Variants in SPAG16 observed in about 807,000 individuals in gnomAD.
The protein encoded by SPAG16 is sperm-associated antigen 16 protein.
A neutral mutation model predicts 80.4 loss-of-function variants in SPAG16; 86 were observed. The ratio of observed to expected loss-of-function variants is 1.07; its 90% CI spans 0.90 to 1.28. The LOEUF (loss-of-function observed/expected upper bound fraction) is 1.28. SPAG16 is among the 50% of genes most tolerant of loss of function. The probability of loss-of-function intolerance (pLI) is 0.00; values close to 1 mark genes in which losing one functional copy is unlikely to be tolerated. For synonymous variants in SPAG16, 294 were observed against 265.9 expected (o/e 1.11, Z -1.03); for missense variants, 870 against 765.3 (o/e 1.14, Z -1.61).
intron 10 of SPAG16, among the ~76,000 whole-genome samples, chr2:213,675,565 A>C (rs2125237638): frequency 6.6e-6 from 1 of 152,276 alleles, no homozygotes; most frequent in Middle Eastern, 3.4e-3. Context: ...TTTTTGTATA[A>C]GGTGTAAGGA....
At chr2:214,293,135 C>A (rs1693916432) in intron 15 of SPAG16, among the ~76,000 whole-genome samples, 1 of 152,138 alleles carries the variant, frequency 6.6e-6, no homozygotes. Flanking sequence ...TTCTTGGGCC[C>A]CCAGATGGCT....
chr2:214,142,831 CAGTA>C (rs2125543158), intron 14 of SPAG16, among the ~76,000 whole-genome samples: 2 of 152,248 alleles, frequency 1.3e-5, no homozygotes, highest in East Asian at 3.9e-4. Flanking sequence ...ATGGTTTTAG[CAGTA>C]AGTTGATGTT....
chr2:214,059,186 C>CTATATATATA lies in SPAG16; in HGVS notation c.1527+45129_1527+45138dup, dbSNP rs36006046. The stretch of plus-strand genomic sequence containing the variant: ...AGCAAGACTCTGTCTCTCTCTCTGT[C>CTATATATATA]TATATATATATATATATATATATAT... On this transcript the variant is annotated intron_variant, in intron 13 of 15. Transcript: ENST00000331683. 4.1e-3 allele frequency among the ~76,000 whole-genome samples: 471 copies of CTATATATATA among 114,298 alleles called. 4 individuals are homozygous for CTATATATATA. The highest frequency in any genetic ancestry group is 0.02 in the Middle Eastern group (4 of 204). The allele number at this position is 114,298 out of a possible 152,430, so 75.0% of individuals were successfully genotyped here.
rs1165853142 is a variant in SPAG16 at position 213,859,178 on chromosome 2, C to CAAAA, written c.1071-3272_1071-3269dup. The stretch of plus-strand genomic sequence containing the variant: ...TGGGCAACAGAGCGACACTCCGTCT[C>CAAAA]AAAAAAAAAAAAAAAAAAAAAAAAA... On this transcript the variant is annotated intron_variant, in intron 10 of 15. Transcript: ENST00000331683. Among the ~76,000 whole-genome samples the CAAAA allele has an allele frequency of 4.6e-3, 43 of 9,378 alleles. 18 individuals are homozygous for CAAAA. The highest frequency in any genetic ancestry group is 0.012 in the South Asian group (1 of 86). 6.2% of individuals were successfully genotyped at this position (9,378 alleles called of 152,430 possible). A position where few individuals can be genotyped will look rare whatever the true frequency, so the allele number is the denominator to read the frequency against.
chr2:214,100,906 G>T (rs956361160), intron 13 of SPAG16, among the ~76,000 whole-genome samples: 1 of 151,258 alleles, frequency 6.6e-6, no homozygotes, highest in Non-Finnish European at 1.5e-5. Context: ...AGCCTTGGAG[G>T]AAAAAAAATG....
chr2:214,149,274 C>A lies in SPAG16; in HGVS notation c.1720+8C>A. ...TGAATTTTGATTCATCAGGTAGGATCATTTTTGTCTAATGTTTCTGACTAA... is the reference window on the plus strand; with the variant it reads ...TGAATTTTGATTCATCAGGTAGGATAATTTTTGTCTAATGTTTCTGACTAA... On this transcript the variant is annotated splice_region_variant and intron_variant, in intron 15 of 15. Coordinates refer to ENST00000331683, the MANE Select transcript of SPAG16 (RefSeq NM_024532.5). The A allele has an allele frequency of 4.5e-6, 7 of 1,549,552 alleles. No homozygotes were observed. Among genetic ancestry groups the A allele is most frequent in the Non-Finnish European group, 6.1e-6 (7 of 1,148,336 alleles).
At chr2:214,216,229 A>G (rs745595404) in intron 15 of SPAG16, among the ~76,000 whole-genome samples, 61 of 152,202 alleles carry the variant, frequency 4.0e-4, no homozygotes, top group Non-Finnish European at 5.9e-5. Flanking sequence ...CATAAATAGT[A>G]TCTTATAATG....
At chr2:213,595,896 A>G (rs1292168437) in intron 10 of SPAG16, among the ~76,000 whole-genome samples, 3 of 152,190 alleles carry the variant, frequency 2.0e-5, no homozygotes, top group East Asian at 3.9e-4. Context: ...ATCCAACAGT[A>G]TATTAAAATG....
chr2:214,146,796 C>T (rs578062967), intron 14 of SPAG16, among the ~76,000 whole-genome samples: 6 of 151,990 alleles, frequency 3.9e-5, no homozygotes, highest in Admixed American at 2.6e-4. Flanking sequence ...GTCAGGAGAT[C>T]AAGACCATCC....
At chr2:213,332,562 AC>A (rs1261092428) in intron 5 of SPAG16, among the ~76,000 whole-genome samples, 1 of 152,108 alleles carries the variant, frequency 6.6e-6, no homozygotes, top group Non-Finnish European at 1.5e-5. Context: ...TGATACCCAA[AC>A]CAAAGACACA....
At chr2:213,381,648 G>C (rs935992810) in intron 9 of SPAG16, among the ~76,000 whole-genome samples, 2 of 152,170 alleles carry the variant, frequency 1.3e-5, no homozygotes, top group Non-Finnish European at 2.9e-5. Flanking sequence ...TGATCCACCC[G>C]ATTATTGAAA....
chr2:214,200,409 A>T lies in SPAG16; in HGVS notation c.1720+51143A>T, dbSNP rs375384106. On this transcript the variant is annotated intron_variant, in intron 15 of 15. Coordinates refer to ENST00000331683, the MANE Select transcript of SPAG16 (RefSeq NM_024532.5). ...ACATTTATTGATTTGCATATGTTAA[A>T]CCACCCCTGCATCCCTGATATGAGA... Among the ~76,000 whole-genome samples, 13 of 152,220 alleles carry T rather than the reference A, an allele frequency of 8.5e-5. No individual in the cohort carries two copies. The East Asian group carries it at 1.7e-3, about 20-fold the overall frequency.
chr2:213,374,793 G>T (rs2066804711), intron 8 of SPAG16, among the ~76,000 whole-genome samples: 1 of 152,040 alleles, frequency 6.6e-6, no homozygotes, highest in Admixed American at 6.6e-5. Context: ...GGCTCACCAT[G>T]TATTTAATTA....
chr2:214,280,409 A>C (rs559841627), intron 15 of SPAG16, among the ~76,000 whole-genome samples: 41 of 152,320 alleles, frequency 2.7e-4, no homozygotes, highest in Non-Finnish European at 5.0e-4. Context: ...ATATAGAATC[A>C]CTATAACAAC....
At chr2:213,923,069 T>G (rs1027475729) in intron 11 of SPAG16, among the ~76,000 whole-genome samples, 73 of 152,276 alleles carry the variant, frequency 4.8e-4, no homozygotes, top group African/African-American at 1.7e-3. Context: ...TTGCCTACCC[T>G]GACCTCCTGG....
Position 213,616,259 on chromosome 2 carries a change from A to G in SPAG16, c.1070+126169A>G, listed in dbSNP as rs139242451. Among the ~76,000 whole-genome samples the G allele has an allele frequency of 4.3e-3, 653 of 152,360 alleles. 4 individuals are homozygous for G. The highest frequency in any genetic ancestry group is 0.014 in the African/African-American group (602 of 41,570). ...TCTGATGTTCTATGATTGAAAAGAA[A>G]CATGCTTCCACAAATTGTTCTAATT... is the stretch of plus-strand genomic sequence containing the variant. On this transcript the variant is annotated intron_variant, in intron 10 of 15. Transcript: ENST00000331683.
intron 10 of SPAG16, among the ~76,000 whole-genome samples, chr2:213,767,496 C>A (rs548385972): frequency 6.6e-6 from 1 of 152,038 alleles, no homozygotes; most frequent in South Asian, 2.1e-4. Flanking sequence ...AGTGAGTCCC[C>A]ATCCTTACAA....
chr2:213,934,449 A>G (rs1047665007), intron 12 of SPAG16, among the ~76,000 whole-genome samples: 2 of 152,204 alleles, frequency 1.3e-5, no homozygotes, highest in African/African-American at 4.8e-5. Flanking sequence ...ACATGCAGTA[A>G]CTGAAGAAGA....
At chr2:214,225,822 C>A (rs2058686277) in intron 15 of SPAG16, among the ~76,000 whole-genome samples, 1 of 152,126 alleles carries the variant, frequency 6.6e-6, no homozygotes, top group African/African-American at 2.4e-5. Context: ...ATCATTTAAA[C>A]TGACTGTGTT....
Sources: allele counts gnomAD v4.1 joint callset (sites outside exome capture counted in the v4.1 genomes callset), GRCh38; gene constraint gnomAD v4.1.1; transcripts MANE v1.5; gene names NCBI Gene and HGNC (gene_info 2026-07-23, HGNC 2026-07-21).